PDZRN3: variants seen among roughly 807,000 people sequenced by gnomAD.
PDZRN3 encodes E3 ubiquitin-protein ligase PDZRN3.
PDZRN3 carries 38 observed loss-of-function variants against 85.7 expected under a neutral mutation model. The ratio of observed to expected loss-of-function variants is 0.44; its 90% CI spans 0.34 to 0.58. The LOEUF is 0.58. Among genes scored for constraint, PDZRN3 ranks in the 20% least tolerant of loss-of-function variants. The probability of loss-of-function intolerance (pLI) is 0.01; values close to 1 mark genes in which losing one functional copy is unlikely to be tolerated. For synonymous variants in PDZRN3, 759 were observed against 638.0 expected, an observed-to-expected ratio of 1.19 and a Z score of -2.86; for missense variants, 1,629 against 1,506.4, an observed-to-expected ratio of 1.08 and a Z score of -1.35.
At chr3:73,452,690 G>T (rs1245996573) in intron 3 of PDZRN3, among the ~76,000 whole-genome samples, 2 of 152,112 alleles carry the variant, frequency 1.3e-5, no homozygotes, top group African/African-American at 4.8e-5. Flanking sequence ...TTTTGTGGGG[G>T]ACCAGATTTT....
chr3:73,450,885 G>C (rs556236031), intron 3 of PDZRN3, among the ~76,000 whole-genome samples: 1 of 151,770 alleles, frequency 6.6e-6, no homozygotes, highest in Admixed American at 6.6e-5. Flanking sequence ...AAGTTCTTCC[G>C]CTGATAATTA....
chr3:73,407,364 T>C (rs951358082), intron 3 of PDZRN3, among the ~76,000 whole-genome samples: 1 of 152,226 alleles, frequency 6.6e-6, no homozygotes, highest in Admixed American at 6.5e-5. Context: ...GAGAGAATTG[T>C]GGTCCTAATA....
chr3:73,545,942 G>C (rs1701414007), intron 3 of PDZRN3, among the ~76,000 whole-genome samples: 1 of 152,192 alleles, frequency 6.6e-6, no homozygotes, highest in Non-Finnish European at 1.5e-5. Flanking sequence ...AAGCTAAAAG[G>C]CCCAGGTCAC....
At chr3:73,418,928 C>G (rs182837285) in intron 3 of PDZRN3, among the ~76,000 whole-genome samples, 1 of 152,264 alleles carries the variant, frequency 6.6e-6, no homozygotes, top group Non-Finnish European at 1.5e-5. Context: ...GGCCAAAGCA[C>G]AGTTCTGAAA....
intron 3 of PDZRN3, among the ~76,000 whole-genome samples, chr3:73,578,556 T>C (rs1303959197): frequency 2.6e-5 from 4 of 152,040 alleles, no homozygotes; most frequent in Non-Finnish European, 5.9e-5. Context: ...TAGGACAAAA[T>C]GTTTTGATGA....
intron 3 of PDZRN3, among the ~76,000 whole-genome samples, chr3:73,452,758 C>T (rs1559687078): frequency 1.3e-5 from 2 of 151,822 alleles, no homozygotes; most frequent in Admixed American, 6.6e-5. Flanking sequence ...GCTAACACTT[C>T]GCTCAGTGGT....
chr3:73,421,171 T>A (rs957354383), intron 3 of PDZRN3, among the ~76,000 whole-genome samples: 1 of 152,094 alleles, frequency 6.6e-6, no homozygotes, highest in Non-Finnish European at 1.5e-5. Context: ...TATGCCCACA[T>A]AAAGAGCCTA....
chr3:73,437,996 C>T (rs1702563014), intron 3 of PDZRN3, among the ~76,000 whole-genome samples: 1 of 152,146 alleles, frequency 6.6e-6, no homozygotes, highest in Admixed American at 6.5e-5. Context: ...AACTACTGGC[C>T]ACACAAAGGC....
intron 3 of PDZRN3, among the ~76,000 whole-genome samples, chr3:73,523,197 T>C (rs1297891455): frequency 6.6e-6 from 1 of 152,086 alleles, no homozygotes; most frequent in Non-Finnish European, 1.5e-5. Context: ...CAGCTAATTT[T>C]TGTACTTTTG....
chr3:73,527,989 A>G (rs1320983240), intron 3 of PDZRN3, among the ~76,000 whole-genome samples: 1 of 152,252 alleles, frequency 6.6e-6, no homozygotes, highest in African/African-American at 2.4e-5. Context: ...TGGCATAGCC[A>G]AAAGCCCACC....
At chr3:73,608,549 T>C (rs1426132225) in intron 2 of PDZRN3, 49 bp downstream of exon 2, 5 of 1,308,736 alleles carry the variant, frequency 3.8e-6, no homozygotes, top group Non-Finnish European at 5.5e-6. Context: ...TGACCTCTCT[T>C]TCCAGCTACA....
chr3:73,618,883 T>G lies in PDZRN3; in HGVS notation c.723+5220A>C, dbSNP rs1014115812. The stretch of plus-strand genomic sequence containing the variant: ...CTTTTTTTTAGCAGAAGTGCGCTGT[T>G]TTGTTAGATATACTATGGAATGGCC... On this transcript the variant is annotated intron_variant, in intron 1 of 9. Coordinates refer to ENST00000263666, the MANE Select transcript of PDZRN3 (RefSeq NM_015009.3). 2.6e-5 allele frequency among the ~76,000 whole-genome samples: 4 copies of G among 152,334 alleles called. No individual in the cohort carries two copies. The East Asian group carries it at 7.7e-4, about 29-fold the overall frequency.
chr3:73,434,982 G>A (rs1031437397), intron 3 of PDZRN3, among the ~76,000 whole-genome samples: 2 of 152,156 alleles, frequency 1.3e-5, no homozygotes, highest in Non-Finnish European at 2.9e-5. Flanking sequence ...GAAAATGGTC[G>A]ATGTTTAAAA....
intron 3 of PDZRN3, chr3:73,569,128 C>G: frequency 7.9e-7 from 1 of 1,262,056 alleles, no homozygotes; most frequent in Non-Finnish European, 1.0e-6. Flanking sequence ...AATCACACAC[C>G]CCTTTTCATC....
intron 3 of PDZRN3, among the ~76,000 whole-genome samples, chr3:73,548,876 C>T (rs1701489559): frequency 6.6e-6 from 1 of 152,124 alleles, no homozygotes; most frequent in African/African-American, 2.4e-5. Flanking sequence ...GGAAAACAGA[C>T]AAGTGTTACA....
In PDZRN3 at chr3:73,430,206, T is replaced by C. The variant is rs76458885; in HGVS notation, c.919-25811A>G. 3.3e-5 allele frequency among the ~76,000 whole-genome samples: 5 copies of C among 152,280 alleles called. No individual in the cohort carries two copies. In the East Asian group the frequency reaches 9.7e-4, roughly 29 times the overall value. Reference sequence around the variant, plus strand: ...CTATCTCTTCATGCTTGTGTACAGATCTGATGGGAAAGTGCACAGCTGACA... The same window carrying C: ...CTATCTCTTCATGCTTGTGTACAGACCTGATGGGAAAGTGCACAGCTGACA... On this transcript the variant is annotated intron_variant, in intron 3 of 9. Transcript: ENST00000263666.
At chr3:73,587,742 C>G (rs538584697) in intron 3 of PDZRN3, among the ~76,000 whole-genome samples, 22 of 152,222 alleles carry the variant, frequency 1.4e-4, no homozygotes, top group Non-Finnish European at 2.5e-4. Context: ...CAGCCCTGGG[C>G]ATGCTGAAGT....
intron 3 of PDZRN3, among the ~76,000 whole-genome samples, chr3:73,443,479 CTTTTTTTTTTT>C (rs768320565): frequency 2.1e-5 from 1 of 48,152 alleles, no homozygotes; most frequent in African/African-American, 5.1e-5. Context: ...TTTCCTTTTT[CTTTTTTTTTTT>C]TTTTTTTTGG....
At chr3:73,555,167 G>A (rs1559736071) in intron 3 of PDZRN3, among the ~76,000 whole-genome samples, 1 of 152,038 alleles carries the variant, frequency 6.6e-6, no homozygotes, top group Non-Finnish European at 1.5e-5. Context: ...CTTTCAGAGA[G>A]GATGATTATA....
Sources: allele counts gnomAD v4.1 joint callset (sites outside exome capture counted in the v4.1 genomes callset), GRCh38; gene constraint gnomAD v4.1.1; transcripts MANE v1.5; gene names NCBI Gene and HGNC (gene_info 2026-07-23, HGNC 2026-07-21).